KCNQ1: variants seen among roughly 807,000 people sequenced by gnomAD.
KCNQ1 encodes potassium voltage-gated channel subfamily KQT member 1.
A neutral mutation model predicts 72.4 loss-of-function variants in KCNQ1; 49 were observed. The ratio of observed to expected loss-of-function variants is 0.68; its 90% CI spans 0.54 to 0.86. KCNQ1 has a LOEUF of 0.86. KCNQ1 is among the 40% of genes least tolerant of loss of function. KCNQ1 has a pLI of 0.00. For missense variants in KCNQ1, 790 were observed against 945.1 expected (o/e 0.84, Z 2.15); for synonymous variants, 450 against 412.6 (o/e 1.09, Z -1.10).
rs1024382 is a variant in KCNQ1 at position 2,593,966 on chromosome 11, C to T, written c.1393+5112C>T. Among the ~76,000 whole-genome samples, 1,936 of 152,274 alleles carry T rather than the reference C, an allele frequency of 0.013. 31 individuals are homozygous for T. The highest frequency in any genetic ancestry group is 0.045 in the South Asian group (217 of 4,826). ...TGCTCCAGATCCTACTGCCTCCTGC[C>T]GTTTCCTGGGCCTTTGTTGCCCAGT... is the stretch of plus-strand genomic sequence containing the variant. On this transcript the variant is annotated intron_variant, in intron 10 of 15. Transcript: ENST00000155840. This position sits in a 1 kb window ranked among gnomAD's most constrained non-coding sequence, Gnocchi z 6.9.
rs1447997774 is a variant in KCNQ1 at position 2,826,728 on chromosome 11, G to C, written c.1795-21039G>C. The stretch of plus-strand genomic sequence containing the variant: ...GGCTCCCCTGGGCACCCCTCGTCTT[G>C]GGGCCCCTGCCCTGCCTCCACTCAG... On this transcript the variant is annotated intron_variant, in intron 15 of 15. Transcript: ENST00000155840. This position sits in a 1 kb window ranked among gnomAD's most constrained non-coding sequence, Gnocchi z 4.2. Among the ~76,000 whole-genome samples the C allele has an allele frequency of 6.6e-6, 1 of 152,232 alleles. No homozygotes were observed. The highest frequency in any genetic ancestry group is 2.4e-5 in the African/African-American group (1 of 41,468).
chr11:2,457,219 C>T lies in KCNQ1; in HGVS notation c.386+11735C>T, dbSNP rs547134753. The stretch of plus-strand genomic sequence containing the variant: ...TGACGGGAGTGTAAATGAGTCCAGC[C>T]ACCATGGAAGGCAGTTTGGAGATTT... On this transcript the variant is annotated intron_variant, in intron 1 of 15. Transcript: ENST00000155840. The surrounding 1 kb of genome is among the most constrained non-coding windows in gnomAD (Gnocchi z 5.0). Among the ~76,000 whole-genome samples the T allele has an allele frequency of 8.5e-5, 13 of 152,140 alleles. No homozygotes were observed. Among genetic ancestry groups the T allele is most frequent in the Non-Finnish European group, 1.6e-4 (11 of 68,026 alleles).
At chr11:2,742,050 C>T (rs1041652579) in intron 11 of KCNQ1, among the ~76,000 whole-genome samples, 2 of 152,274 alleles carry the variant, frequency 1.3e-5, no homozygotes, top group Non-Finnish European at 2.9e-5. Context: ...TTGCAAGACA[C>T]TCTGCTGGGT....
At position 2,566,782 on chromosome 11, in the gene KCNQ1, T is replaced by C. The variant is rs1280148884; in HGVS notation, c.478-3846T>C. Among the ~76,000 whole-genome samples the C allele has an allele frequency of 2.0e-5, 3 of 152,078 alleles. No individual in the cohort carries two copies. Among genetic ancestry groups the C allele is most frequent in the African/African-American group, 2.4e-5 (1 of 41,404 alleles). ...CCCCGGGGGGCTTGCAGGCACCACA[T>C]AGATCTTGTGAGAGGCGCTTTGTGG... On this transcript the variant is annotated intron_variant, in intron 2 of 15. Transcript: ENST00000155840. This position sits in a 1 kb window ranked among gnomAD's most constrained non-coding sequence, Gnocchi z 6.7.
In KCNQ1 at chr11:2,571,325, A is replaced by G. The variant is rs794728569; in HGVS notation, c.605A>G (p.Asp202Gly). Residue 202 changes from aspartate to glycine, a missense_variant and splice_region_variant, in exon 4 of 16, where the codon GAC becomes GGC. By Grantham distance (94) the Asp-to-Gly change is moderately conservative. Around this residue, in one of 5 missense-constraint regions of KCNQ1, gnomAD observed 294 missense variants for 323.3 expected, o/e 0.91. Transcript: ENST00000155840. ...GCTCCCCCTCTCCTGCACTCCACAG[A>G]CCTCATCGTGGTCGTGGCCTCCATG... Reference protein sequence around the residue: ...RFARKPISIIDLIVVVASMVV... With the variant: ...RFARKPISIIGLIVVVASMVV... The G allele has an allele frequency of 6.2e-7, 1 of 1,612,626 alleles. No homozygotes were observed. The highest frequency in any genetic ancestry group is 8.5e-7 in the Non-Finnish European group (1 of 1,179,586).
At chr11:2,604,631 A>G (rs11529572) in intron 10 of KCNQ1, among the ~76,000 whole-genome samples, 47,503 of 151,064 alleles carry the variant, frequency 0.31, 9,821 homozygotes, top group African/African-American at 0.58. Flanking sequence ...TGCAACCTCT[A>G]CCTCCCAGGT....
intron 15 of KCNQ1, among the ~76,000 whole-genome samples, chr11:2,814,664 A>G (rs1307095667): frequency 1.3e-5 from 2 of 150,468 alleles, no homozygotes; most frequent in African/African-American, 4.9e-5. Flanking sequence ...GGAAGGGTGG[A>G]GGTAAGGGAG....
chr11:2,804,217 C>T (rs981586595), intron 15 of KCNQ1, among the ~76,000 whole-genome samples: 1 of 152,216 alleles, frequency 6.6e-6, no homozygotes, highest in African/African-American at 2.4e-5. Context: ...CCACACCACC[C>T]ATGCCACGTG....
chr11:2,499,528 C>CCCG lies in KCNQ1; in HGVS notation c.387-28398_387-28397insGCC, dbSNP rs1846975479. On this transcript the variant is annotated intron_variant, in intron 1 of 15. Transcript: ENST00000155840. ...ACAGAGTGGTTGAATGGACCCCTGC[C>CCCG]CCCACAAAAAAAGACCCAATTATCT... Among the ~76,000 whole-genome samples, 4 of 144,838 alleles carry CCCG rather than the reference C, an allele frequency of 2.8e-5. No individual in the cohort carries two copies. In the South Asian group the frequency reaches 9.3e-4, roughly 34 times the overall value.
chr11:2,755,536 G>A (rs989328630), intron 11 of KCNQ1, among the ~76,000 whole-genome samples: 4 of 152,228 alleles, frequency 2.6e-5, no homozygotes, highest in Admixed American at 6.5e-5. Context: ...TGGGATTATA[G>A]GCATGAGCCA....
chr11:2,557,490 A>G (rs1226963264), intron 2 of KCNQ1, among the ~76,000 whole-genome samples: 2 of 152,240 alleles, frequency 1.3e-5, no homozygotes, highest in Non-Finnish European at 2.9e-5. Context: ...TGTTATCTAT[A>G]GCCATGTAAC....
chr11:2,502,478 C>T (rs1002237190), intron 1 of KCNQ1, among the ~76,000 whole-genome samples: 7 of 152,006 alleles, frequency 4.6e-5, no homozygotes, highest in African/African-American at 1.7e-4. Flanking sequence ...TAAACTTAAC[C>T]AAAGAAGTGA....
intron 2 of KCNQ1, among the ~76,000 whole-genome samples, chr11:2,530,945 G>A (rs1452201307): frequency 6.6e-6 from 1 of 152,168 alleles, no homozygotes; most frequent in African/African-American, 2.4e-5. Flanking sequence ...CTGGATCTAG[G>A]TGGTTAGCCC....
intron 11 of KCNQ1, among the ~76,000 whole-genome samples, chr11:2,733,814 A>ACACACTCTCTCTCTCTCT: frequency 1.2e-5 from 1 of 86,610 alleles, no homozygotes; most frequent in African/African-American, 4.3e-5. Context: ...ACACACACAC[A>ACACACTCTCTCTCTCTCT]CTCTCTCACT....
At chr11:2,800,911 G>T (rs940371979) in intron 15 of KCNQ1, among the ~76,000 whole-genome samples, 5 of 152,182 alleles carry the variant, frequency 3.3e-5, no homozygotes, top group Admixed American at 1.3e-4. Flanking sequence ...GTGGCTGGCA[G>T]GCACTCATGA....
In KCNQ1 at chr11:2,769,814, G is replaced by C. The variant is rs919366622; in HGVS notation, c.1590+895G>C. Among the ~76,000 whole-genome samples the C allele has an allele frequency of 7.2e-5, 11 of 152,188 alleles. No homozygotes were observed. The highest frequency in any genetic ancestry group is 2.6e-4 in the African/African-American group (11 of 41,516). ...GTCTGCAGGAGCAGGGCAGGGTGGG[G>C]CTTCTGAGCTGGGGGCCCCTGGCAC... On this transcript the variant is annotated intron_variant, in intron 12 of 15. Transcript: ENST00000155840. The surrounding 1 kb of genome is among the most constrained non-coding windows in gnomAD (Gnocchi z 4.6).
chr11:2,456,197 G>A (rs1213065936), intron 1 of KCNQ1, among the ~76,000 whole-genome samples: 1 of 151,942 alleles, frequency 6.6e-6, no homozygotes, highest in African/African-American at 2.4e-5. Flanking sequence ...AATTAGCTGG[G>A]TGTGGTGGTA....
intron 11 of KCNQ1, chr11:2,665,367 GA>G: frequency 2.5e-6 from 1 of 398,192 alleles, no homozygotes; most frequent in Non-Finnish European, 4.4e-6. Context: ...GCACCCCCAT[GA>G]CAAGAGGAGC....
At position 2,601,130 on chromosome 11, in the gene KCNQ1, C is replaced by G. The variant is rs969399286; in HGVS notation, c.1393+12276C>G. 1.7e-4 allele frequency among the ~76,000 whole-genome samples: 25 copies of G among 150,294 alleles called. No individual in the cohort carries two copies. The highest frequency in any genetic ancestry group is 5.6e-4 in the African/African-American group (23 of 40,738). Reference sequence around the variant, plus strand: ...CTCCAGATTTAAATGCTTTTGGAAACCAGGCTTTACTGTGGTAGTTGCAAA... The same window carrying G: ...CTCCAGATTTAAATGCTTTTGGAAAGCAGGCTTTACTGTGGTAGTTGCAAA... On this transcript the variant is annotated intron_variant, in intron 10 of 15. Transcript: ENST00000155840. The surrounding 1 kb of genome is among the most constrained non-coding windows in gnomAD (Gnocchi z 5.2).
Sources: allele counts gnomAD v4.1 joint callset (sites outside exome capture counted in the v4.1 genomes callset), GRCh38; gene constraint gnomAD v4.1.1; regional missense constraint gnomAD v4.1.1; non-coding constraint Gnocchi (gnomAD v3.1); transcripts MANE v1.5; gene names NCBI Gene and HGNC (gene_info 2026-07-23, HGNC 2026-07-21).